The following FGF12 variants were observed in gnomAD, a reference collection of about 807,000 sequenced individuals.
FGF12 encodes fibroblast growth factor 12, also known as fibroblast growth factor 12B.
A neutral mutation model predicts 23.6 loss-of-function variants in FGF12; 14 were observed. That is an observed-to-expected ratio of 0.59 (90% CI 0.39 to 0.93). The LOEUF is 0.93. FGF12 is among the 40% of genes least tolerant of loss of function. FGF12 has a pLI of 0.00. For missense variants in FGF12, 175 were observed against 217.8 expected (o/e 0.80, Z 1.24); for synonymous variants, 62 against 77.3 (o/e 0.80, Z 1.04).
intron 2 of FGF12, among the ~76,000 whole-genome samples, chr3:192,456,280 G>GA (rs778539029): frequency 2.6e-5 from 4 of 152,162 alleles, no homozygotes; most frequent in Admixed American, 6.5e-5. Context: ...ATGTATAAAA[G>GA]AAACTGGAAA....
chr3:192,268,489 T>TGGTG (rs1713222445), intron 4 of FGF12, among the ~76,000 whole-genome samples: 1 of 152,210 alleles, frequency 6.6e-6, no homozygotes, highest in African/African-American at 2.4e-5. Flanking sequence ...AGGTGGGGCC[T>TGGTG]GGTGGGAGAT....
chr3:192,294,278 A>C (rs1714916202), intron 4 of FGF12, among the ~76,000 whole-genome samples: 1 of 152,058 alleles, frequency 6.6e-6, no homozygotes, highest in Non-Finnish European at 1.5e-5. Flanking sequence ...ACTAATTCTC[A>C]GAGTCCTTAC....
intron 2 of FGF12, among the ~76,000 whole-genome samples, chr3:192,594,102 G>A (rs1713739735): frequency 6.6e-6 from 1 of 151,872 alleles, no homozygotes; most frequent in Admixed American, 6.6e-5. Context: ...GTCTGGTAAG[G>A]ACATTTGAAC....
chr3:192,320,028 AT>A (rs1716450929), intron 4 of FGF12, among the ~76,000 whole-genome samples: 1 of 152,198 alleles, frequency 6.6e-6, no homozygotes, highest in Admixed American at 6.5e-5. Flanking sequence ...TGTAAATGAA[AT>A]AACTATCCAA....
intron 4 of FGF12, among the ~76,000 whole-genome samples, chr3:192,226,673 G>A (rs1718752004): frequency 6.6e-6 from 1 of 152,106 alleles, no homozygotes; most frequent in Non-Finnish European, 1.5e-5. Flanking sequence ...ACTCCTGAGT[G>A]GGATTAGTGT....
intron 2 of FGF12, among the ~76,000 whole-genome samples, chr3:192,700,285 T>C (rs2108729221): frequency 6.6e-6 from 1 of 152,276 alleles, no homozygotes; most frequent in African/African-American, 2.4e-5. Flanking sequence ...AAGATCACAT[T>C]CATAAAACCA....
At chr3:192,219,513 C>T (rs1319037658) in intron 4 of FGF12, among the ~76,000 whole-genome samples, 1 of 152,062 alleles carries the variant, frequency 6.6e-6, no homozygotes, top group Non-Finnish European at 1.5e-5. Context: ...TGGTTTGAAC[C>T]CAGGTATTGG....
chr3:192,196,585 G>A (rs1717080549), intron 4 of FGF12, among the ~76,000 whole-genome samples: 2 of 152,060 alleles, frequency 1.3e-5, no homozygotes, highest in African/African-American at 4.8e-5. Flanking sequence ...CCATAAAGCT[G>A]TTTAGCAACA....
At chr3:192,292,643 G>A (rs1264404411) in intron 4 of FGF12, among the ~76,000 whole-genome samples, 5 of 152,112 alleles carry the variant, frequency 3.3e-5, no homozygotes, top group Middle Eastern at 3.4e-3. Flanking sequence ...ATATTTTAAC[G>A]GTCTATACAA....
intron 4 of FGF12, among the ~76,000 whole-genome samples, chr3:192,302,469 G>A (rs900347900): frequency 1.3e-5 from 2 of 152,146 alleles, no homozygotes; most frequent in South Asian, 2.1e-4. Flanking sequence ...GTTCAGAGAT[G>A]AAGACTAATA....
chr3:192,389,798 G>A (rs1286425504), intron 2 of FGF12, among the ~76,000 whole-genome samples: 2 of 152,260 alleles, frequency 1.3e-5, no homozygotes, highest in East Asian at 1.9e-4. Context: ...AAGTCAATTC[G>A]AGGAACAAAT....
chr3:192,458,112 G>T (rs1258793137), intron 2 of FGF12, among the ~76,000 whole-genome samples: 1 of 152,200 alleles, frequency 6.6e-6, no homozygotes, highest in South Asian at 2.1e-4. Flanking sequence ...GATTTCAGAA[G>T]ATGTATGGAA....
intron 4 of FGF12, among the ~76,000 whole-genome samples, chr3:192,246,431 C>A (rs1030715687): frequency 6.6e-6 from 1 of 152,096 alleles, no homozygotes; most frequent in African/African-American, 2.4e-5. Flanking sequence ...ATACACTTTC[C>A]TTGACTCAAG....
At chr3:192,658,868 C>A (rs962303628) in intron 2 of FGF12, among the ~76,000 whole-genome samples, 5 of 152,038 alleles carry the variant, frequency 3.3e-5, no homozygotes, top group Admixed American at 3.3e-4. Flanking sequence ...AACAAACAAA[C>A]AAACAAAAAA....
chr3:192,702,069 A>T (rs567673646), intron 2 of FGF12, among the ~76,000 whole-genome samples: 34 of 152,134 alleles, frequency 2.2e-4, no homozygotes, highest in Non-Finnish European at 3.8e-4. Context: ...GTCTATTTCT[A>T]TGTATTCGAC....
intron 2 of FGF12, among the ~76,000 whole-genome samples, chr3:192,434,196 G>A (rs992167920): frequency 1.3e-5 from 2 of 152,062 alleles, no homozygotes; most frequent in South Asian, 2.1e-4. Flanking sequence ...AACACCCTCC[G>A]GGAGCCCCTC....
chr3:192,637,557 T>C (rs772943727), intron 2 of FGF12, among the ~76,000 whole-genome samples: 1 of 152,196 alleles, frequency 6.6e-6, no homozygotes, highest in Non-Finnish European at 1.5e-5. Context: ...CTCTGTTAAA[T>C]GGACCATAGG....
chr3:192,305,784 C>A (rs567515193), intron 4 of FGF12, among the ~76,000 whole-genome samples: 1 of 148,484 alleles, frequency 6.7e-6, no homozygotes, highest in East Asian at 1.9e-4. Flanking sequence ...ATTAGTGACC[C>A]CTATTTCCTT....
At chr3:192,604,248 C>T (rs1378660503) in intron 2 of FGF12, among the ~76,000 whole-genome samples, 1 of 152,122 alleles carries the variant, frequency 6.6e-6, no homozygotes, top group Non-Finnish European at 1.5e-5. Flanking sequence ...TTTGAACACA[C>T]ATGTTTTACA....
Sources: allele counts gnomAD v4.1 joint callset (sites outside exome capture counted in the v4.1 genomes callset), GRCh38; gene constraint gnomAD v4.1.1; transcripts MANE v1.5; gene names NCBI Gene and HGNC (gene_info 2026-07-23, HGNC 2026-07-21).